ARHGAP29: variants seen among roughly 807,000 people sequenced by gnomAD.
ARHGAP29 encodes the protein Rho GTPase activating protein 29, also known as rho GTPase-activating protein 29.
In ARHGAP29, 43 loss-of-function variants were observed where a neutral mutation model predicts 122.6. The observed-to-expected ratio is 0.35, with a 90% CI of 0.27 to 0.45. The LOEUF is 0.45. Among genes scored for constraint, ARHGAP29 ranks in the 20% least tolerant of loss-of-function variants. The probability of loss-of-function intolerance (pLI) is 1.00; values close to 1 mark genes in which losing one functional copy is unlikely to be tolerated. For missense variants in ARHGAP29, 1,303 were observed against 1,477.2 expected, an observed-to-expected ratio of 0.88 and a Z score of 1.93; for synonymous variants, 506 against 497.1, an observed-to-expected ratio of 1.02 and a Z score of -0.24.
chr1:94,233,267 A>G (rs1276472167), intron 1 of ARHGAP29, among the ~76,000 whole-genome samples: 1 of 152,046 alleles, frequency 6.6e-6, no homozygotes, highest in East Asian at 1.9e-4. Context: ...AGGAAGTTTT[A>G]TGTAATATCC....
At chr1:94,285,247 G>A in the ARHGAP29 span, among the ~76,000 whole-genome samples, 3 of 151,998 alleles carry the variant, frequency 2.0e-5, no homozygotes, top group Non-Finnish European at 2.9e-5. Flanking sequence ...AGTATGGAAC[G>A]AGGCAGTCAT....
chr1:94,179,645 A>T, intron 20 of ARHGAP29, 80 bp downstream of exon 20: 6 of 649,886 alleles, frequency 9.2e-6, no homozygotes, highest in Non-Finnish European at 1.5e-5. Context: ...AAATTTTGTT[A>T]TGTGGATTTT....
intron 21 of ARHGAP29, 25 bp downstream of exon 21, chr1:94,177,827 A>G: frequency 6.3e-7 from 1 of 1,581,250 alleles, no homozygotes; most frequent in Non-Finnish European, 8.6e-7. Context: ...AAGTTCTAAT[A>G]TAATTCTATA....
intron 1 of ARHGAP29, 148 bp from the exon 2 acceptor site, chr1:94,231,791 A>T: frequency 1.6e-6 from 1 of 616,366 alleles, no homozygotes; most frequent in East Asian, 2.8e-5. Flanking sequence ...TAAAAATCAA[A>T]AATCAATAAT....
chr1:94,205,016 C>T (rs1039075056), intron 7 of ARHGAP29, 45 bp downstream of exon 7: 3 of 1,471,662 alleles, frequency 2.0e-6, no homozygotes, highest in Non-Finnish European at 2.7e-6. Context: ...TTAGAAACAA[C>T]TTAATTATTA....
At chr1:94,287,778 T>G in the ARHGAP29 span, among the ~76,000 whole-genome samples, 1 of 137,196 alleles carries the variant, frequency 7.3e-6, no homozygotes, top group South Asian at 2.5e-4. Context: ...TGTGATAGTT[T>G]GCTGAGAATG....
chr1:94,221,472 A>G (rs1423054352), intron 2 of ARHGAP29, among the ~76,000 whole-genome samples: 1 of 151,668 alleles, frequency 6.6e-6, no homozygotes, highest in Admixed American at 6.6e-5. Flanking sequence ...GGTCATACTC[A>G]TTTAGTATGA....
the ARHGAP29 span, among the ~76,000 whole-genome samples, chr1:94,307,358 T>C: frequency 1.3e-5 from 2 of 152,240 alleles, no homozygotes; most frequent in Non-Finnish European, 2.9e-5. Flanking sequence ...TCACTTCCTA[T>C]TCTAAATATG....
At chr1:94,293,330 T>C in the ARHGAP29 span, among the ~76,000 whole-genome samples, 1 of 152,200 alleles carries the variant, frequency 6.6e-6, no homozygotes, top group African/African-American at 2.4e-5. Flanking sequence ...GCAAAGACCA[T>C]GGGAAAAGCA....
chr1:94,254,050 A>G (rs1402176858), intron 1 of ARHGAP29, among the ~76,000 whole-genome samples: 1 of 152,250 alleles, frequency 6.6e-6, no homozygotes, highest in Non-Finnish European at 1.5e-5. Context: ...TTTTATTCTG[A>G]AATTATCTCA....
the ARHGAP29 span, among the ~76,000 whole-genome samples, chr1:94,280,776 T>C: frequency 6.6e-6 from 1 of 152,234 alleles, no homozygotes; most frequent in Non-Finnish European, 1.5e-5. Context: ...TCAGGATTTA[T>C]GGTGGAATGG....
intron 3 of ARHGAP29, among the ~76,000 whole-genome samples, chr1:94,210,919 AAG>A (rs1181918418): frequency 6.6e-6 from 1 of 151,460 alleles, no homozygotes; most frequent in Non-Finnish European, 1.5e-5. Context: ...AAAAAAAAAA[AAG>A]ATTTCTATAC....
intron 15 of ARHGAP29, among the ~76,000 whole-genome samples, chr1:94,187,968 C>T (rs1345230517): frequency 6.6e-6 from 1 of 152,076 alleles, no homozygotes; most frequent in African/African-American, 2.4e-5. Flanking sequence ...ATGAGTACAA[C>T]TTCAGCAATA....
chr1:94,280,218 C>T, the ARHGAP29 span, among the ~76,000 whole-genome samples: 522 of 152,134 alleles, frequency 3.4e-3, no homozygotes, highest in African/African-American at 0.012. Context: ...AACAAGAGGA[C>T]ACAAGTGAGA....
chr1:94,268,389 ACTC>A (rs1199283696), intron 1 of ARHGAP29, among the ~76,000 whole-genome samples: 2 of 150,896 alleles, frequency 1.3e-5, no homozygotes, highest in Admixed American at 1.3e-4. Context: ...ACCCTCCCCT[ACTC>A]CTGCCACATC....
In ARHGAP29 at chr1:94,172,049, T is replaced by TA. The variant is rs566424865; in HGVS notation, c.*1819dup. 241 of 152,316 alleles carry TA rather than the reference T, an allele frequency of 1.6e-3. 3 individuals are homozygous for TA. Among genetic ancestry groups the TA allele is most frequent in the African/African-American group, 5.4e-3 (225 of 41,586 alleles). The allele number at this position is 152,316 out of a possible 1,614,324, so 9.4% of individuals were successfully genotyped here. On this transcript the variant is annotated 3_prime_UTR_variant, in exon 23 of 23. Coordinates refer to ENST00000260526, the MANE Select transcript of ARHGAP29 (RefSeq NM_004815.4). ...TTTTTAAAGTTGCATTTTCTATTGT[T>TA]AAAAACTACCAGATATTATTTAGTA...
the ARHGAP29 span, among the ~76,000 whole-genome samples, chr1:94,305,221 A>G: frequency 6.6e-6 from 1 of 152,220 alleles, no homozygotes; most frequent in African/African-American, 2.4e-5. Flanking sequence ...ATCTGCAGTC[A>G]TGCCAGGGAA....
chr1:94,291,040 T>C, the ARHGAP29 span, among the ~76,000 whole-genome samples: 4 of 152,192 alleles, frequency 2.6e-5, no homozygotes, highest in Non-Finnish European at 5.9e-5. Flanking sequence ...CCATTATTAT[T>C]GTGTGGAAGT....
chr1:94,235,365 G>A (rs555685487), intron 1 of ARHGAP29, among the ~76,000 whole-genome samples: 78 of 152,272 alleles, frequency 5.1e-4, no homozygotes, highest in Admixed American at 9.8e-4. Flanking sequence ...ATAAAACTTA[G>A]TTACTAACAG....
Sources: gnomAD v4.1 joint callset for allele counts (sites outside exome capture counted in the v4.1 genomes callset) on GRCh38, gnomAD v4.1.1 for gene constraint, MANE v1.5 for transcripts, NCBI Gene and HGNC (gene_info 2026-07-23, HGNC 2026-07-21) for gene names.